Variants in VPS13D observed in about 807,000 individuals in gnomAD.
VPS13D encodes vacuolar protein sorting 13 homolog D, also known as intermembrane lipid transfer protein VPS13D.
A neutral mutation model predicts 461.9 loss-of-function variants in VPS13D; 187 were observed. The ratio of observed to expected loss-of-function variants is 0.40; its 90% CI spans 0.36 to 0.46. VPS13D has a LOEUF of 0.46. Among genes scored for constraint, VPS13D ranks in the 20% least tolerant of loss-of-function variants. VPS13D has a pLI of 0.60. For synonymous variants in VPS13D, 1,951 were observed against 1,986.3 expected, an observed-to-expected ratio of 0.98 and a Z score of 0.47; for missense variants, 4,711 against 5,364.9, an observed-to-expected ratio of 0.88 and a Z score of 3.81.
intron 25 of VPS13D, among the ~76,000 whole-genome samples, chr1:12,303,887 T>C (rs970049727): frequency 3.3e-5 from 5 of 152,258 alleles, no homozygotes; most frequent in Non-Finnish European, 5.9e-5. Context: ...GTACTAAGTG[T>C]GTAAGAAAAG....
chr1:12,318,205 CCTT>C lies in VPS13D; in HGVS notation c.7285_7287del (p.Ser2429del), dbSNP rs1642940133. The C allele has an allele frequency of 2.5e-6, 4 of 1,614,184 alleles. No homozygotes were observed. The highest frequency in any genetic ancestry group is 1.1e-5 in the South Asian group (1 of 91,082). ...TATTAAGAAACAAAATCATGTTACTCCTTCTCGCCACCGTAACTCTAGCAGCGA... is the reference window on the plus strand; with the variant it reads ...TATTAAGAAACAAAATCATGTTACTCCTCGCCACCGTAACTCTAGCAGCGA... On this transcript the variant is annotated inframe_deletion, in exon 31 of 70. Coordinates refer to ENST00000620676, the MANE Select transcript of VPS13D (RefSeq NM_015378.4).
chr1:12,246,286 G>A (rs1380505936), intron 5 of VPS13D, among the ~76,000 whole-genome samples: 1 of 152,182 alleles, frequency 6.6e-6, no homozygotes, highest in East Asian at 1.9e-4. Flanking sequence ...TTTCAAAGGA[G>A]TGGCTTTCAG....
At position 12,348,992 on chromosome 1, in the gene VPS13D, G is replaced by A. The variant is rs766591362; in HGVS notation, c.9220+19G>A. 2.5e-6 allele frequency: 4 copies of A among 1,613,928 alleles called. No homozygotes were observed. The highest frequency in any genetic ancestry group is 3.4e-6 in the Non-Finnish European group (4 of 1,179,928). On this transcript the variant is annotated intron_variant, in intron 45 of 69. Transcript: ENST00000620676. ...CCAGACAGTATGTTTTGATTGTCTA[G>A]CATATAGTAAATGCTGATAAATACT...
chr1:12,483,857 G>T (rs1215061528), intron 67 of VPS13D, among the ~76,000 whole-genome samples: 1 of 152,094 alleles, frequency 6.6e-6, no homozygotes, highest in African/African-American at 2.4e-5. Context: ...AATTACCTGG[G>T]TGTGGTGGCG....
chr1:12,405,539 G>A (rs904680927), intron 63 of VPS13D, among the ~76,000 whole-genome samples: 15 of 152,178 alleles, frequency 9.9e-5, no homozygotes, highest in Admixed American at 8.5e-4. Context: ...GGGACCTGGA[G>A]CAGGAATGGC....
At chr1:12,438,775 A>G (rs539283661) in intron 65 of VPS13D, among the ~76,000 whole-genome samples, 1 of 152,308 alleles carries the variant, frequency 6.6e-6, no homozygotes, top group African/African-American at 2.4e-5. Context: ...CAGAACTGAA[A>G]TTTTGACATG....
chr1:12,491,720 G>A (rs1402788578), intron 67 of VPS13D, among the ~76,000 whole-genome samples: 1 of 152,182 alleles, frequency 6.6e-6, no homozygotes, highest in African/African-American at 2.4e-5. Context: ...CTTCCCTGGG[G>A]GAAGAGTCCT....
chr1:12,503,269 A>G (rs1646058853), intron 68 of VPS13D, among the ~76,000 whole-genome samples: 1 of 152,096 alleles, frequency 6.6e-6, no homozygotes, highest in Non-Finnish European at 1.5e-5. Context: ...CTCAGAAGAA[A>G]CTTTCTGACA....
intron 65 of VPS13D, among the ~76,000 whole-genome samples, chr1:12,441,033 C>G (rs1645124611): frequency 6.6e-6 from 1 of 151,984 alleles, no homozygotes; most frequent in Admixed American, 6.5e-5. Flanking sequence ...TCAAGCGACT[C>G]TCCTGCCTCA....
chr1:12,311,169 G>A (rs1642738210), intron 27 of VPS13D, among the ~76,000 whole-genome samples: 1 of 152,100 alleles, frequency 6.6e-6, no homozygotes, highest in African/African-American at 2.4e-5. Flanking sequence ...TCCCACCTCA[G>A]CCTCCCAAAG....
At chr1:12,363,048 A>G (rs755226604) in intron 51 of VPS13D, 24 bp from the exon 52 acceptor site, 1 of 1,612,234 alleles carries the variant, frequency 6.2e-7, no homozygotes, top group African/African-American at 1.3e-5. Context: ...TGTTGACTAA[A>G]GCCTGTGATC....
At chr1:12,302,548 C>T (rs1179375319) in intron 25 of VPS13D, among the ~76,000 whole-genome samples, 1 of 152,076 alleles carries the variant, frequency 6.6e-6, no homozygotes, top group African/African-American at 2.4e-5. Context: ...AAAAAAATTT[C>T]CCTGTATTTG....
chr1:12,351,653 GT>G (rs1251457479), intron 46 of VPS13D, among the ~76,000 whole-genome samples: 5 of 150,990 alleles, frequency 3.3e-5, no homozygotes, highest in African/African-American at 1.2e-4. Flanking sequence ...GTGCAATGGT[GT>G]GATCTTGGCT....
At position 12,371,198 on chromosome 1, in the gene VPS13D, G is replaced by A. The variant is rs139969784; in HGVS notation, c.10808+1496G>A. Reference sequence around the variant, plus strand: ...CCGAAAAGAAACCAAAACCTATTGAGCAGTCACTCCCCATTCCTCCCTGTC... The same window carrying A: ...CCGAAAAGAAACCAAAACCTATTGAACAGTCACTCCCCATTCCTCCCTGTC... On this transcript the variant is annotated intron_variant, in intron 54 of 69. Coordinates refer to ENST00000620676, the MANE Select transcript of VPS13D (RefSeq NM_015378.4). Among the ~76,000 whole-genome samples the A allele has an allele frequency of 6.4e-3, 969 of 152,114 alleles. 31 individuals are homozygous for A. The highest frequency in any genetic ancestry group is 0.052 in the Admixed American group (801 of 15,272).
chr1:12,418,332 C>T (rs2100244731), intron 65 of VPS13D, among the ~76,000 whole-genome samples: 1 of 152,354 alleles, frequency 6.6e-6, no homozygotes, highest in South Asian at 2.1e-4. Flanking sequence ...TGTTCCCTTA[C>T]CCCTCACGCA....
intron 65 of VPS13D, among the ~76,000 whole-genome samples, chr1:12,435,256 C>G (rs1570166020): frequency 1.3e-5 from 2 of 150,236 alleles, no homozygotes; most frequent in South Asian, 2.1e-4. Flanking sequence ...CTCAGGAGTT[C>G]GAGACCAGCC....
chr1:12,287,812 G>A (rs1379565297), intron 21 of VPS13D, among the ~76,000 whole-genome samples: 1 of 152,054 alleles, frequency 6.6e-6, no homozygotes, highest in Non-Finnish European at 1.5e-5. Context: ...TTTGTTCAGA[G>A]GCAGTAAATG....
chr1:12,231,359 A>G (rs1338722603), intron 1 of VPS13D, among the ~76,000 whole-genome samples: 1 of 152,248 alleles, frequency 6.6e-6, no homozygotes, highest in Non-Finnish European at 1.5e-5. Context: ...TAGCAGAGCA[A>G]ATAATGGGTG....
At chr1:12,426,345 C>T (rs1644924638) in intron 65 of VPS13D, among the ~76,000 whole-genome samples, 1 of 152,164 alleles carries the variant, frequency 6.6e-6, no homozygotes. Context: ...TGACTGTCTG[C>T]CTCTAAATGC....
Sources: gnomAD v4.1 joint callset for allele counts (sites outside exome capture counted in the v4.1 genomes callset) on GRCh38, gnomAD v4.1.1 for gene constraint, MANE v1.5 for transcripts, NCBI Gene and HGNC (gene_info 2026-07-23, HGNC 2026-07-21) for gene names.